The following OXR1 variants were observed in gnomAD, a reference collection of about 807,000 sequenced individuals.
The protein encoded by OXR1 is oxidation resistance 1.
A neutral mutation model predicts 104.6 loss-of-function variants in OXR1; 41 were observed. The observed-to-expected ratio is 0.39, with a 90% CI of 0.31 to 0.51. OXR1 has a LOEUF of 0.51. Ranked by LOEUF, OXR1 falls within the 20% of genes least tolerant of loss-of-function variation. OXR1 has a pLI of 0.77. For missense variants in OXR1, 955 were observed against 1,031.9 expected (o/e 0.93, Z 1.02); for synonymous variants, 348 against 348.4 (o/e 1.00, Z 0.01).
intron 2 of OXR1, among the ~76,000 whole-genome samples, chr8:106,405,627 C>A (rs1338426224): frequency 6.6e-6 from 1 of 152,092 alleles, no homozygotes; most frequent in Non-Finnish European, 1.5e-5. Flanking sequence ...TGTGAACAAT[C>A]ATAGGCTAAC....
At chr8:106,717,434 G>A (rs1410840838) in intron 11 of OXR1, among the ~76,000 whole-genome samples, 2 of 152,094 alleles carry the variant, frequency 1.3e-5, no homozygotes, top group Non-Finnish European at 2.9e-5. Flanking sequence ...TTGGGCATCA[G>A]TTAGATTTAA....
intron 3 of OXR1, among the ~76,000 whole-genome samples, chr8:106,619,027 C>T (rs1821474082): frequency 6.6e-6 from 1 of 152,034 alleles, no homozygotes; most frequent in Non-Finnish European, 1.5e-5. Context: ...TAATGGCATG[C>T]AGCAGATGGA....
At chr8:106,482,441 C>T (rs1290970436) in intron 2 of OXR1, among the ~76,000 whole-genome samples, 1 of 151,228 alleles carries the variant, frequency 6.6e-6, no homozygotes, top group Non-Finnish European at 1.5e-5. Context: ...GCTCAAATCC[C>T]ATCCATGGCC....
intron 2 of OXR1, among the ~76,000 whole-genome samples, chr8:106,401,107 C>T (rs1402843748): frequency 1.3e-5 from 2 of 152,130 alleles, no homozygotes; most frequent in South Asian, 2.1e-4. Flanking sequence ...AAATTCTAGA[C>T]CATCCGGCTG....
chr8:106,606,563 C>T (rs979556930), intron 3 of OXR1, among the ~76,000 whole-genome samples: 3 of 151,022 alleles, frequency 2.0e-5, no homozygotes, highest in African/African-American at 7.3e-5. Context: ...CCGCCCGCTT[C>T]AGCCTCTCAA....
intron 3 of OXR1, among the ~76,000 whole-genome samples, chr8:106,579,353 C>T (rs1177964770): frequency 6.6e-6 from 1 of 152,178 alleles, no homozygotes; most frequent in Non-Finnish European, 1.5e-5. Flanking sequence ...GTCCTTTCAT[C>T]TTACCTGAGG....
At chr8:106,420,167 G>A (rs572805899) in intron 2 of OXR1, among the ~76,000 whole-genome samples, 1 of 152,212 alleles carries the variant, frequency 6.6e-6, no homozygotes, top group Admixed American at 6.5e-5. Flanking sequence ...CTGAAGCAAA[G>A]CTGACGGTTT....
intron 2 of OXR1, among the ~76,000 whole-genome samples, chr8:106,441,190 G>T (rs1819766482): frequency 6.6e-6 from 1 of 152,046 alleles, no homozygotes; most frequent in African/African-American, 2.4e-5. Flanking sequence ...CCCATTGCTT[G>T]TTTTTGTCAG....
chr8:106,717,002 A>G (rs1832331114), intron 11 of OXR1, among the ~76,000 whole-genome samples: 1 of 152,108 alleles, frequency 6.6e-6, no homozygotes, highest in African/African-American at 2.4e-5. Flanking sequence ...CCTGGCCAAT[A>G]TGGTAAAACC....
chr8:106,516,749 A>T (rs1252900203), intron 2 of OXR1, among the ~76,000 whole-genome samples: 1 of 152,192 alleles, frequency 6.6e-6, no homozygotes, highest in East Asian at 1.9e-4. Flanking sequence ...AGTTTCAGTT[A>T]ACTGCAATAT....
chr8:106,361,896 G>A (rs1454959188), intron 2 of OXR1, among the ~76,000 whole-genome samples: 1 of 152,158 alleles, frequency 6.6e-6, no homozygotes, highest in African/African-American at 2.4e-5. Context: ...AGCCTGACTA[G>A]TGCATTCTCT....
chr8:106,335,989 G>A (rs1814945226), intron 1 of OXR1, among the ~76,000 whole-genome samples: 1 of 152,122 alleles, frequency 6.6e-6, no homozygotes, highest in African/African-American at 2.4e-5. Flanking sequence ...CCAGCTACTT[G>A]GGAGGCTGAG....
intron 2 of OXR1, among the ~76,000 whole-genome samples, chr8:106,421,983 G>C (rs2130538128): frequency 6.6e-6 from 1 of 152,228 alleles, no homozygotes; most frequent in East Asian, 1.9e-4. Flanking sequence ...TAGAGAAGTT[G>C]CATCTTTGTA....
At chr8:106,395,851 G>A (rs1817756252) in intron 2 of OXR1, among the ~76,000 whole-genome samples, 1 of 151,934 alleles carries the variant, frequency 6.6e-6, no homozygotes, top group Non-Finnish European at 1.5e-5. Context: ...TCTAGGGCTG[G>A]GCAGGGAAGA....
At chr8:106,330,702 C>T (rs1026061875) in intron 1 of OXR1, among the ~76,000 whole-genome samples, 8 of 152,292 alleles carry the variant, frequency 5.3e-5, no homozygotes, top group African/African-American at 1.4e-4. Context: ...AGAAAACAAA[C>T]ATGACCCCTG....
intron 1 of OXR1, among the ~76,000 whole-genome samples, chr8:106,313,450 G>T (rs986566505): frequency 6.6e-6 from 1 of 152,074 alleles, no homozygotes; most frequent in Admixed American, 6.6e-5. Context: ...GTTTTCCATG[G>T]TTGTTTGATT....
chr8:106,686,308 TAAGAG>T lies in OXR1; in HGVS notation c.525+1955_525+1959del, dbSNP rs1275151003. Reference sequence around the variant, plus strand: ...TAATTAAAAAAAAAAAAAAAAGAGGTAAGAGAAGAGTTTGTAAACTTCTCTTTACA... The same window carrying T: ...TAATTAAAAAAAAAAAAAAAAGAGGTAAGAGTTTGTAAACTTCTCTTTACA... On this transcript the variant is annotated intron_variant, in intron 6 of 16. Coordinates refer to ENST00000517566, the MANE Select transcript of OXR1 (RefSeq NM_001198533.2). 3.1e-3 allele frequency among the ~76,000 whole-genome samples: 448 copies of T among 145,978 alleles called. 12 individuals are homozygous for T. The highest frequency in any genetic ancestry group is 6.2e-3 in the East Asian group (31 of 4,992).
At chr8:106,720,245 A>G (rs1188614539) in intron 11 of OXR1, among the ~76,000 whole-genome samples, 4 of 152,206 alleles carry the variant, frequency 2.6e-5, no homozygotes, top group Non-Finnish European at 4.4e-5. Flanking sequence ...GGAGCTTTCA[A>G]ACATATCATT....
intron 2 of OXR1, among the ~76,000 whole-genome samples, chr8:106,402,468 G>T (rs1818039302): frequency 6.6e-6 from 1 of 152,138 alleles, no homozygotes; most frequent in South Asian, 2.1e-4. Context: ...TCTGGAACTA[G>T]GAAAATAACC....
Sources: gnomAD v4.1 joint callset for allele counts (sites outside exome capture counted in the v4.1 genomes callset) on GRCh38, gnomAD v4.1.1 for gene constraint, MANE v1.5 for transcripts, NCBI Gene and HGNC (gene_info 2026-07-23, HGNC 2026-07-21) for gene names.